The following UNC5C variants were observed in gnomAD, a reference collection of about 807,000 sequenced individuals.
UNC5C encodes the protein unc-5 netrin receptor C.
UNC5C carries 47 observed loss-of-function variants against 99.8 expected under a neutral mutation model. The observed-to-expected ratio is 0.47, with a 90% CI of 0.37 to 0.60. The LOEUF is 0.60. Ranked by LOEUF, UNC5C falls within the 20% of genes least tolerant of loss-of-function variation. The pLI is 0.00. For missense variants in UNC5C, 1,062 were observed against 1,165.9 expected (o/e 0.91, Z 1.30); for synonymous variants, 487 against 452.2 (o/e 1.08, Z -0.98).
At chr4:95,535,455 C>A (rs1722749956) in intron 1 of UNC5C, among the ~76,000 whole-genome samples, 1 of 152,118 alleles carries the variant, frequency 6.6e-6, no homozygotes, top group Non-Finnish European at 1.5e-5. Flanking sequence ...TAAAACGGCA[C>A]AGCAACAATT....
chr4:95,410,704 C>T (rs1015623961), intron 1 of UNC5C, among the ~76,000 whole-genome samples: 1 of 152,168 alleles, frequency 6.6e-6, no homozygotes, highest in Non-Finnish European at 1.5e-5. Flanking sequence ...TTGAACAGAT[C>T]TGGGGGCATC....
At chr4:95,202,592 A>T in intron 12 of UNC5C, 139 bp downstream of exon 12, 1 of 759,594 alleles carries the variant, frequency 1.3e-6, no homozygotes, top group Non-Finnish European at 2.1e-6. Context: ...TATCTTTTTT[A>T]AGTGCATCCT....
chr4:95,206,683 T>C lies in UNC5C; in HGVS notation c.1847A>G (p.Asn616Ser). The C allele has an allele frequency of 6.2e-7, 1 of 1,614,052 alleles. No individual in the cohort carries two copies. Among genetic ancestry groups the C allele is most frequent in the Non-Finnish European group, 8.5e-7 (1 of 1,179,990 alleles). The change falls in exon 11 of 16, where the codon AAT (asparagine) becomes AGT (serine). Residue 616 changes from asparagine (N) to serine (S), a missense_variant. Coordinates refer to ENST00000453304, the MANE Select transcript of UNC5C (RefSeq NM_003728.4). ...GAGCAGTATTTTCCAGTCCTCGGTATTGGGGTCTGCGCAGTGATGCATAGT... is the reference window on the plus strand; with the variant it reads ...GAGCAGTATTTTCCAGTCCTCGGTACTGGGGTCTGCGCAGTGATGCATAGT... Reference protein sequence around the residue: ...VLTMHHCADPNTEDWKILLKN... With the variant: ...VLTMHHCADPSTEDWKILLKN...
At chr4:95,210,087 G>T (rs569048163) in intron 10 of UNC5C, among the ~76,000 whole-genome samples, 11 of 152,130 alleles carry the variant, frequency 7.2e-5, no homozygotes, top group African/African-American at 2.4e-4. Context: ...AAGGGAGAAG[G>T]CTCCCTGCTG....
intron 1 of UNC5C, among the ~76,000 whole-genome samples, chr4:95,471,648 T>C (rs560592469): frequency 6.6e-6 from 1 of 152,262 alleles, no homozygotes; most frequent in South Asian, 2.1e-4. Context: ...TAACACAGTT[T>C]GCTTTTCTAT....
chr4:95,444,525 G>A (rs942964559), intron 1 of UNC5C, among the ~76,000 whole-genome samples: 1 of 151,982 alleles, frequency 6.6e-6, no homozygotes, highest in African/African-American at 2.4e-5. Context: ...TAGAGACGGG[G>A]TTTCACCGTG....
chr4:95,306,683 C>G (rs1742074121), intron 2 of UNC5C, among the ~76,000 whole-genome samples: 1 of 152,186 alleles, frequency 6.6e-6, no homozygotes, highest in Non-Finnish European at 1.5e-5. Context: ...GTTGATTCCT[C>G]TCCATGGCTT....
At chr4:95,440,184 G>T (rs1423786731) in intron 1 of UNC5C, among the ~76,000 whole-genome samples, 1 of 152,106 alleles carries the variant, frequency 6.6e-6, no homozygotes, top group Non-Finnish European at 1.5e-5. Flanking sequence ...GCACGGATAG[G>T]AAAGCCAGAA....
chr4:95,218,977 G>A lies in UNC5C; in HGVS notation c.1637C>T (p.Pro546Leu), dbSNP rs766500731. ...AAACCTCTAGGAATTACCTGAATTG[G>A]GAACAATAAGGTGACCTCCCAGCGA... Reference protein sequence around the residue: ...FNSLGGHLIVPNSGVSLLIPA... With the variant: ...FNSLGGHLIVLNSGVSLLIPA... Residue 546 changes from proline (P) to leucine (L), a missense_variant, in exon 9 of 16, where the codon CCC becomes CTC. Pro to Leu is a moderately conservative substitution (Grantham distance 98). Coordinates refer to ENST00000453304, the MANE Select transcript of UNC5C (RefSeq NM_003728.4). 1 of 1,598,736 alleles carries A rather than the reference G, an allele frequency of 6.3e-7. No homozygotes were observed. Among genetic ancestry groups the A allele is most frequent in the African/African-American group, 1.3e-5 (1 of 74,558 alleles).
At chr4:95,458,924 T>G (rs2149470140) in intron 1 of UNC5C, among the ~76,000 whole-genome samples, 1 of 152,162 alleles carries the variant, frequency 6.6e-6, no homozygotes, top group Non-Finnish European at 1.5e-5. Flanking sequence ...CCTTAACATA[T>G]AAATAAATGA....
intron 4 of UNC5C, among the ~76,000 whole-genome samples, chr4:95,263,510 G>A (rs1455323483): frequency 1.3e-5 from 2 of 152,140 alleles, no homozygotes; most frequent in East Asian, 1.9e-4. Flanking sequence ...GGGAGTTGGA[G>A]GTCAGTGAAT....
chr4:95,423,583 T>C (rs189972030), intron 1 of UNC5C, among the ~76,000 whole-genome samples: 63 of 152,292 alleles, frequency 4.1e-4, no homozygotes, highest in Admixed American at 7.8e-4. Context: ...TAAATACATT[T>C]TGAGATTTTC....
chr4:95,446,825 C>CAAT (rs1747121122), intron 1 of UNC5C, among the ~76,000 whole-genome samples: 1 of 151,344 alleles, frequency 6.6e-6, no homozygotes, highest in Non-Finnish European at 1.5e-5. Flanking sequence ...TCTGGTTTTT[C>CAAT]AATAATGGAG....
chr4:95,530,783 A>C (rs1043396602), intron 1 of UNC5C, among the ~76,000 whole-genome samples: 1 of 151,776 alleles, frequency 6.6e-6, no homozygotes, highest in Non-Finnish European at 1.5e-5. Context: ...GACTTTTCAG[A>C]AAAAAAAGTG....
At chr4:95,461,540 A>G (rs1215501116) in intron 1 of UNC5C, among the ~76,000 whole-genome samples, 1 of 152,252 alleles carries the variant, frequency 6.6e-6, no homozygotes, top group African/African-American at 2.4e-5. Context: ...ATTTTACCTT[A>G]CAAATATCTC....
At chr4:95,487,009 C>T (rs528567377) in intron 1 of UNC5C, among the ~76,000 whole-genome samples, 1 of 151,846 alleles carries the variant, frequency 6.6e-6, no homozygotes, top group Admixed American at 6.6e-5. Flanking sequence ...TTCTCGCTCA[C>T]TCTTTGGCCT....
intron 1 of UNC5C, among the ~76,000 whole-genome samples, chr4:95,481,722 G>C (rs1373700123): frequency 2.0e-5 from 3 of 152,100 alleles, no homozygotes; most frequent in African/African-American, 7.2e-5. Flanking sequence ...ACAGCTATCT[G>C]ATCTTTGACG....
intron 1 of UNC5C, among the ~76,000 whole-genome samples, chr4:95,396,808 CT>C (rs138713798): frequency 0.016 from 2,435 of 152,292 alleles, 72 homozygotes; most frequent in African/African-American, 0.055. Flanking sequence ...ACCATTATCC[CT>C]GATTGTGACC....
chr4:95,272,534 G>A (rs2149391660), intron 4 of UNC5C, among the ~76,000 whole-genome samples: 1 of 152,284 alleles, frequency 6.6e-6, no homozygotes, highest in Admixed American at 6.5e-5. Context: ...AAAAATATGG[G>A]ATTTTTCCCA....
Sources: gnomAD v4.1 joint callset for allele counts (sites outside exome capture counted in the v4.1 genomes callset) on GRCh38, gnomAD v4.1.1 for gene constraint, MANE v1.5 for transcripts, NCBI Gene and HGNC (gene_info 2026-07-23, HGNC 2026-07-21) for gene names.